Variants in SEC63 observed in about 807,000 individuals in gnomAD.
SEC63 encodes the protein SEC63 protein translocation regulator.
In SEC63, 56 loss-of-function variants were observed where a neutral mutation model predicts 116.2. The observed-to-expected ratio is 0.48, with a 90% CI of 0.39 to 0.60. The LOEUF (loss-of-function observed/expected upper bound fraction) is 0.60. SEC63 is among the 20% of genes least tolerant of loss of function. The pLI is 0.00. For missense variants in SEC63, 668 were observed against 900.0 expected, an observed-to-expected ratio of 0.74 and a Z score of 3.30; for synonymous variants, 273 against 294.6, an observed-to-expected ratio of 0.93 and a Z score of 0.75.
At chr6:107,942,948 C>T (rs1200801855) in intron 1 of SEC63, among the ~76,000 whole-genome samples, 1 of 152,192 alleles carries the variant, frequency 6.6e-6, no homozygotes, top group Non-Finnish European at 1.5e-5. Context: ...ATTATCATGA[C>T]TTTTTTCTTC....
intron 20 of SEC63, among the ~76,000 whole-genome samples, chr6:107,872,494 T>C (rs1786158190): frequency 6.7e-6 from 1 of 149,488 alleles, no homozygotes; most frequent in African/African-American, 2.5e-5. Context: ...CCAAATAGAA[T>C]CTGTGGTTTA....
chr6:107,936,449 C>A (rs2114499631), intron 1 of SEC63, among the ~76,000 whole-genome samples: 1 of 152,270 alleles, frequency 6.6e-6, no homozygotes, highest in African/African-American at 2.4e-5. Context: ...AGACACTTAA[C>A]AGAATAAAAT....
intron 16 of SEC63, among the ~76,000 whole-genome samples, chr6:107,889,261 A>G (rs1481163590): frequency 6.6e-6 from 1 of 152,088 alleles, no homozygotes. Flanking sequence ...TGCTGCCTCA[A>G]TTTCAGAGCT....
At chr6:107,910,681 CAT>C (rs1333378455) in intron 7 of SEC63, among the ~76,000 whole-genome samples, 3 of 151,936 alleles carry the variant, frequency 2.0e-5, no homozygotes, top group East Asian at 1.9e-4. Context: ...CATATGTACA[CAT>C]ATACATATGT....
chr6:107,916,729 G>A (rs1318295251), intron 4 of SEC63, among the ~76,000 whole-genome samples: 1 of 152,152 alleles, frequency 6.6e-6, no homozygotes, highest in African/African-American at 2.4e-5. Flanking sequence ...ATAGTGATAT[G>A]TGATCTTTGA....
intron 12 of SEC63, 125 bp from the exon 13 acceptor site, chr6:107,901,642 G>T (rs1787007260): frequency 4.7e-6 from 3 of 641,858 alleles, no homozygotes; most frequent in South Asian, 2.2e-5. Context: ...TGATTAATGT[G>T]CATTTCAAAG....
rs766627764 is a variant in SEC63 at position 107,876,660 on chromosome 6, T to C, written c.1938A>G (p.Glu646=). The C allele has an allele frequency of 2.9e-6, 4 of 1,384,182 alleles. 1 individual carries two copies. The allele number at this position is 1,384,182 out of a possible 1,614,324, so 85.7% of individuals were successfully genotyped here. The part of the protein sequence containing the change: ...HPVYSLYFPE[E]KQEWWWLYIA... ...TGTAAAGCCACCACCATTCTTGTTT[T>C]TCCTGGAAACAAAAAAAAAAAAAAA... The change falls in exon 19 of 21, where the codon GAA becomes GAG. Residue 646 remains glutamate (E), a splice_region_variant and synonymous_variant. Transcript: ENST00000369002.
intron 13 of SEC63, 49 bp from the exon 14 acceptor site, chr6:107,897,780 A>G: frequency 7.9e-7 from 1 of 1,262,472 alleles, no homozygotes; most frequent in Non-Finnish European, 1.2e-6. Flanking sequence ...ATCAAGTTCT[A>G]TGTTAATGCA....
intron 11 of SEC63, 194 bp from the exon 12 acceptor site, chr6:107,903,192 G>A: frequency 1.6e-6 from 1 of 642,006 alleles, no homozygotes; most frequent in South Asian, 1.8e-5. Flanking sequence ...ACATTTTCCA[G>A]CAACAACCAT....
intron 1 of SEC63, among the ~76,000 whole-genome samples, chr6:107,953,604 G>A (rs1324831960): frequency 1.2e-4 from 17 of 145,280 alleles, no homozygotes; most frequent in South Asian, 6.5e-4. Flanking sequence ...CAGCCGCCCC[G>A]TCCGGGAGGT....
chr6:107,902,600 T>G (rs906719339), intron 12 of SEC63, among the ~76,000 whole-genome samples: 13 of 152,126 alleles, frequency 8.5e-5, no homozygotes, highest in Admixed American at 5.9e-4. Context: ...GAACTAACTG[T>G]TGACTTTTTA....
At chr6:107,877,428 C>T (rs1238485442) in intron 18 of SEC63, 1 of 151,940 alleles carries the variant, frequency 6.6e-6, no homozygotes, top group African/African-American at 2.4e-5. Context: ...TTTGAGAAAA[C>T]GTGGGTTTTT....
chr6:107,949,706 TGCAGC>T (rs1770542075), intron 1 of SEC63, among the ~76,000 whole-genome samples: 1 of 152,208 alleles, frequency 6.6e-6, no homozygotes, highest in Non-Finnish European at 1.5e-5. Flanking sequence ...CATAGCTCAC[TGCAGC>T]CTCGATCTCC....
chr6:107,953,980 T>C lies in SEC63; in HGVS notation c.124+3906A>G, dbSNP rs866935466. On this transcript the variant is annotated intron_variant, in intron 1 of 20. Coordinates refer to ENST00000369002, the MANE Select transcript of SEC63 (RefSeq NM_007214.5). The stretch of plus-strand genomic sequence containing the variant: ...TCTGGGAGGTGTACCCAACAGCTCA[T>C]TGAGAACGGGCCATGATGACAATGG... Among the ~76,000 whole-genome samples, 3 of 152,198 alleles carry C rather than the reference T, an allele frequency of 2.0e-5. No individual in the cohort carries two copies. The Middle Eastern group carries it at 0.01, about 518-fold the overall frequency.
intron 1 of SEC63, chr6:107,954,479 A>T (rs1770665656): frequency 1.3e-5 from 1 of 77,112 alleles, no homozygotes; most frequent in African/African-American, 7.2e-5. Context: ...AAAAAAAAAA[A>T]ATCAAAAAAA....
At chr6:107,935,049 T>A (rs1770175543) in intron 1 of SEC63, among the ~76,000 whole-genome samples, 2 of 128,316 alleles carry the variant, frequency 1.6e-5, no homozygotes, top group South Asian at 5.7e-4. Flanking sequence ...GGGGCGCCTC[T>A]GCCCAGCCGC....
intron 7 of SEC63, among the ~76,000 whole-genome samples, chr6:107,910,908 C>T (rs1354099049): frequency 6.6e-6 from 1 of 151,932 alleles, no homozygotes; most frequent in Non-Finnish European, 1.5e-5. Context: ...TTAGTAAAGA[C>T]AGGGTTTCAC....
chr6:107,892,419 T>C (rs1786704396), intron 16 of SEC63, among the ~76,000 whole-genome samples: 1 of 152,180 alleles, frequency 6.6e-6, no homozygotes, highest in Non-Finnish European at 1.5e-5. Flanking sequence ...TAATTCAAGA[T>C]AGGTTTATCA....
intron 13 of SEC63, among the ~76,000 whole-genome samples, chr6:107,898,620 A>G (rs1335661543): frequency 6.6e-6 from 1 of 152,224 alleles, no homozygotes; most frequent in Non-Finnish European, 1.5e-5. Context: ...AATGGTACTA[A>G]ATACGTGTTT....
Sources: allele counts gnomAD v4.1 joint callset (sites outside exome capture counted in the v4.1 genomes callset), GRCh38; gene constraint gnomAD v4.1.1; transcripts MANE v1.5; gene names NCBI Gene and HGNC (gene_info 2026-07-23, HGNC 2026-07-21).